The following NDOR1 variants were observed in gnomAD, a reference collection of about 807,000 sequenced individuals.
The protein encoded by NDOR1 is NADPH dependent diflavin oxidoreductase 1, also known as NADPH-dependent diflavin oxidoreductase 1.
Under a neutral mutation model 67.2 loss-of-function variants are expected in NDOR1, and 61 were observed. The observed-to-expected ratio is 0.91, with a 90% CI of 0.74 to 1.12. The LOEUF (loss-of-function observed/expected upper bound fraction) is 1.12, where lower values mean the gene tolerates loss of function less well. NDOR1 is among the 50% of genes most tolerant of loss of function. The probability of loss-of-function intolerance (pLI) is 0.00; values close to 1 mark genes in which losing one functional copy is unlikely to be tolerated. For missense variants in NDOR1, 878 were observed against 802.8 expected (o/e 1.09, Z -1.13); for synonymous variants, 378 against 343.7 (o/e 1.10, Z -1.10).
At chr9:137,208,233 A>C (rs1238311895) in intron 2 of NDOR1, among the ~76,000 whole-genome samples, 1 of 149,330 alleles carries the variant, frequency 6.7e-6, no homozygotes, top group Admixed American at 6.7e-5. Flanking sequence ...GCAGATCACG[A>C]GGTCAGGAGA....
At chr9:137,211,825 C>G (rs1243760223) in intron 2 of NDOR1, among the ~76,000 whole-genome samples, 4 of 151,684 alleles carry the variant, frequency 2.6e-5, no homozygotes, top group African/African-American at 9.7e-5. Flanking sequence ...CGGCGAAGAC[C>G]ACGCACACAG....
Position 137,206,251 on chromosome 9 carries a change from C to A in NDOR1, c.155C>A (p.Pro52His), listed in dbSNP as rs760447962. The A allele has an allele frequency of 6.2e-7, 1 of 1,613,956 alleles. No individual in the cohort carries two copies. The highest frequency in any genetic ancestry group is 8.5e-7 in the Non-Finnish European group (1 of 1,179,984). ...GTTGAGGTGAATCTGATTAACGAGC[C>A]CCTGGTGATATTTGTTTGTGCAACT... is the stretch of plus-strand genomic sequence containing the variant. ...SYPVVNLINE[P>H]LVIFVCATTG... The change falls in exon 2 of 14, where the codon CCC (proline) becomes CAC (histidine). Residue 52 changes from proline (P) to histidine (H), a missense_variant. Coordinates refer to ENST00000684003, the MANE Select transcript of NDOR1 (RefSeq NM_014434.4).
chr9:137,207,399 G>A (rs774750176), intron 2 of NDOR1, among the ~76,000 whole-genome samples: 2 of 151,948 alleles, frequency 1.3e-5, no homozygotes, highest in Non-Finnish European at 2.9e-5. Context: ...AGAACACGGT[G>A]GGAGTAGGGG....
At chr9:137,206,471 C>T (rs1474663597) in intron 2 of NDOR1, among the ~76,000 whole-genome samples, 162 bp downstream of exon 2, 2 of 152,164 alleles carry the variant, frequency 1.3e-5, no homozygotes, top group East Asian at 1.9e-4. Context: ...GCTCCGGTTG[C>T]CCTCTCTAAT....
chr9:137,215,577 C>A, intron 10 of NDOR1, 56 bp downstream of exon 10: 2 of 1,608,702 alleles, frequency 1.2e-6, no homozygotes, highest in Non-Finnish European at 1.7e-6. Flanking sequence ...CTCTCCCATG[C>A]TCATGCAAAT....
intron 2 of NDOR1, among the ~76,000 whole-genome samples, chr9:137,209,360 A>G (rs1220962490): frequency 6.6e-6 from 1 of 151,532 alleles, no homozygotes; most frequent in Non-Finnish European, 1.5e-5. Flanking sequence ...ACGGGAGGGG[A>G]ATGGTGGGAT....
chr9:137,205,905 AC>A lies in NDOR1; in HGVS notation c.131del (p.Pro44ArgfsTer3). The A allele has an allele frequency of 6.3e-7, 1 of 1,591,570 alleles. No individual in the cohort carries two copies. Among genetic ancestry groups the A allele is most frequent in the Admixed American group, 1.7e-5 (1 of 59,476 alleles). On this transcript the variant is annotated frameshift_variant, in exon 1 of 14. Transcript: ENST00000684003. LOFTEE classifies it high-confidence loss of function. ...LGCRVQALDS[Y>X]PVVNLINEPL... is the part of the protein sequence containing the mutation. ...TGCCGGGTGCAGGCCCTGGACTCCTACCCGGTGGTGAGGGCTCGCTAGGGCC... is the reference window on the plus strand; with the variant it reads ...TGCCGGGTGCAGGCCCTGGACTCCTACCGGTGGTGAGGGCTCGCTAGGGCC...
chr9:137,208,267 G>A (rs1166832223), intron 2 of NDOR1, among the ~76,000 whole-genome samples: 1 of 151,374 alleles, frequency 6.6e-6, no homozygotes, highest in Non-Finnish European at 1.5e-5. Context: ...GGCTAACACG[G>A]TGTGAAACCT....
At chr9:137,213,496 C>T (rs905481106) in intron 3 of NDOR1, among the ~76,000 whole-genome samples, 5 of 152,164 alleles carry the variant, frequency 3.3e-5, no homozygotes, top group Admixed American at 2.0e-4. Context: ...GAGGGCCCAT[C>T]AGTGGGACGA....
rs757430180 is a variant in NDOR1, at chr9:137,214,810, C to A, written c.857C>A (p.Pro286His). 6.2e-7 allele frequency: 1 copy of A among 1,603,754 alleles called. No individual in the cohort carries two copies. The highest frequency in any genetic ancestry group is 1.7e-4 in the Middle Eastern group (1 of 6,056). Reference sequence around the variant, plus strand: ...ACTCACCCTGCAGATGTCTCCTCCCCCACGAGGCTGCCCCAGCCCTGCTCC... The same window carrying A: ...ACTCACCCTGCAGATGTCTCCTCCCACACGAGGCTGCCCCAGCCCTGCTCC... ...LQPREPDVSS[P>H]TRLPQPCSMR... is the part of the protein sequence containing the mutation. Residue 286 changes from proline (P) to histidine (H), a missense_variant, in exon 8 of 14, where the codon CCC becomes CAC. Coordinates refer to ENST00000684003, the MANE Select transcript of NDOR1 (RefSeq NM_014434.4).
rs375967521 is a variant in NDOR1 at position 137,206,320 on chromosome 9, C to T, written c.213+11C>T. The T allele has an allele frequency of 1.5e-5, 25 of 1,613,666 alleles. No homozygotes were observed. Among genetic ancestry groups the T allele is most frequent in the African/African-American group, 5.3e-5 (4 of 74,912 alleles). On this transcript the variant is annotated intron_variant, in intron 2 of 13. Coordinates refer to ENST00000684003, the MANE Select transcript of NDOR1 (RefSeq NM_014434.4). ...CCTGACAACATGAAGGTAAGGCTGG[C>T]CTGATGTGGCTCCTCAGATCCCTGC...
At position 137,212,602 on chromosome 9, in the gene NDOR1, G is replaced by A. The variant is rs1264262763; in HGVS notation, c.311+3G>A. The A allele has an allele frequency of 6.2e-7, 1 of 1,611,948 alleles. No homozygotes were observed. The highest frequency in any genetic ancestry group is 1.7e-5 in the Admixed American group (1 of 60,010). ...CTCGGGGACTCCTCATACGCCAAGT[G>A]AGTAGGGGATGGGACAGTGGGCGGA... On this transcript the variant is annotated splice_donor_region_variant and intron_variant, in intron 3 of 13. Coordinates refer to ENST00000684003, the MANE Select transcript of NDOR1 (RefSeq NM_014434.4). The surrounding 1 kb of genome is among the most constrained non-coding windows in gnomAD (Gnocchi z 4.3).
chr9:137,209,675 G>A (rs528359037), intron 2 of NDOR1, among the ~76,000 whole-genome samples: 1 of 152,344 alleles, frequency 6.6e-6, no homozygotes, highest in East Asian at 1.9e-4. Context: ...AGCGAAACAG[G>A]AAGACCCTGG....
rs1288443175 is a variant in NDOR1 at position 137,214,042 on chromosome 9, CCTCA to C, written c.489_492del (p.Thr164ArgfsTer30). Reference sequence around the variant, plus strand: ...TGGGGCTGTACCCGCCGCCTCCGGGCCTCACTGAGATCCCTCCCGGAGTCCCGTG... The same window carrying C: ...TGGGGCTGTACCCGCCGCCTCCGGGCCTGAGATCCCTCCCGGAGTCCCGTG... On this transcript the variant is annotated frameshift_variant, in exon 5 of 14. Transcript: ENST00000684003. LOFTEE classifies it high-confidence loss of function. 4.5e-6 allele frequency: 7 copies of C among 1,544,244 alleles called. No individual in the cohort carries two copies. Among genetic ancestry groups the C allele is most frequent in the Non-Finnish European group, 6.1e-6 (7 of 1,147,918 alleles).
Position 137,218,156 on chromosome 9 carries a change from T to A in NDOR1, c.*1740T>A. On this transcript the variant is annotated 3_prime_UTR_variant, in exon 14 of 14. Transcript: ENST00000684003. ...CTGTAGCCACGGCCTGTGTGTGGGC[T>A]GCCTGCACAGGCTGCTGGGCTCGGC... The A allele has an allele frequency of 2.5e-6, 1 of 398,340 alleles. No homozygotes were observed. The highest frequency in any genetic ancestry group is 6.3e-4 in the Middle Eastern group (1 of 1,590). 24.7% of individuals were successfully genotyped at this position (398,340 alleles called of 1,614,324 possible).
rs1318724549 is a variant in NDOR1, at chr9:137,214,617, C to T, written c.770C>T (p.Ala257Val). ...CTGATTCAGCCCTCCAACTCGGCTGCCCATGTCCAGCGGTTCTGCCAGGTG... is the reference window on the plus strand; with the variant it reads ...CTGATTCAGCCCTCCAACTCGGCTGTCCATGTCCAGCGGTTCTGCCAGGTG... Reference protein sequence around the residue: ...VVLIQPSNSAAHVQRFCQVLG... With the variant: ...VVLIQPSNSAVHVQRFCQVLG... Residue 257 changes from alanine to valine, a missense_variant, in exon 7 of 14, where the codon GCC (alanine) becomes GTC (valine). Physicochemically the swap from Ala to Val is moderately conservative, Grantham distance 64. Coordinates refer to ENST00000684003, the MANE Select transcript of NDOR1 (RefSeq NM_014434.4). 1 of 1,610,386 alleles carries T rather than the reference C, an allele frequency of 6.2e-7. No homozygotes were observed. The highest frequency in any genetic ancestry group is 8.5e-7 in the Non-Finnish European group (1 of 1,179,958).
chr9:137,217,805 G>C lies in NDOR1; in HGVS notation c.*1389G>C. The stretch of plus-strand genomic sequence containing the variant: ...CTCCTGCCCCAGGGCCACCACCCCT[G>C]AACTGTGCCCTGGGGCCCCCACCCT... On this transcript the variant is annotated 3_prime_UTR_variant, in exon 14 of 14. Coordinates refer to ENST00000684003, the MANE Select transcript of NDOR1 (RefSeq NM_014434.4). The C allele has an allele frequency of 5.0e-6, 2 of 397,280 alleles. No homozygotes were observed. The highest frequency in any genetic ancestry group is 8.9e-6 in the Non-Finnish European group (2 of 225,936). 24.6% of individuals were successfully genotyped at this position (397,280 alleles called of 1,614,324 possible).
At chr9:137,209,913 G>A (rs1588795823) in intron 2 of NDOR1, among the ~76,000 whole-genome samples, 2 of 152,338 alleles carry the variant, frequency 1.3e-5, no homozygotes, top group South Asian at 2.1e-4. Flanking sequence ...CCAACATGAC[G>A]AAACCCCATC....
intron 2 of NDOR1, among the ~76,000 whole-genome samples, chr9:137,208,074 G>A (rs1246190708): frequency 6.6e-6 from 1 of 151,070 alleles, no homozygotes; most frequent in Non-Finnish European, 1.5e-5. Flanking sequence ...TTAGACCAGG[G>A]AGTCGGAAGT....
Sources: allele counts gnomAD v4.1 joint callset (sites outside exome capture counted in the v4.1 genomes callset), GRCh38; gene constraint gnomAD v4.1.1; non-coding constraint Gnocchi (gnomAD v3.1); transcripts MANE v1.5; gene names NCBI Gene and HGNC (gene_info 2026-07-23, HGNC 2026-07-21).